The following MTUS2 variants were observed in gnomAD, a reference collection of about 807,000 sequenced individuals.
MTUS2 encodes the protein microtubule-associated tumor suppressor candidate 2.
Under a neutral mutation model 114.1 loss-of-function variants are expected in MTUS2, and 40 were observed. That is an observed-to-expected ratio of 0.35 (90% CI 0.27 to 0.46). MTUS2 has a LOEUF of 0.46. MTUS2 is among the 20% of genes least tolerant of loss of function. The probability of loss-of-function intolerance (pLI) is 1.00; values close to 1 mark genes in which losing one functional copy is unlikely to be tolerated. For missense variants in MTUS2, 1,679 were observed against 1,705.4 expected, an observed-to-expected ratio of 0.98 and a Z score of 0.27; for synonymous variants, 688 against 672.0, an observed-to-expected ratio of 1.02 and a Z score of -0.37.
Position 29,504,132 on chromosome 13 carries a change from C to T in MTUS2, c.*926C>T, listed in dbSNP as rs963287113. The T allele has an allele frequency of 3.9e-5, 9 of 232,126 alleles. No homozygotes were observed. Among genetic ancestry groups the T allele is most frequent in the Non-Finnish European group, 7.7e-5 (9 of 117,414 alleles). 14.4% of individuals were successfully genotyped at this position (232,126 alleles called of 1,614,324 possible). ...ACCTTTGAGTAAGAGTGAGGATGAC[C>T]TTGCAGATGACTGTGCCCATTCGCG... is the stretch of plus-strand genomic sequence containing the variant. On this transcript the variant is annotated 3_prime_UTR_variant, in exon 16 of 16. Transcript: ENST00000612955.
chr13:29,130,410 C>T (rs1440884279), intron 5 of MTUS2, among the ~76,000 whole-genome samples: 2 of 152,046 alleles, frequency 1.3e-5, no homozygotes, highest in African/African-American at 2.4e-5. Flanking sequence ...CACCCTTGCT[C>T]GAGACCTGAA....
chr13:29,374,598 A>T (rs967016292), intron 8 of MTUS2, among the ~76,000 whole-genome samples: 1 of 152,226 alleles, frequency 6.6e-6, no homozygotes, highest in African/African-American at 2.4e-5. Context: ...AATATACTTT[A>T]TAAATGAAGA....
intron 1 of MTUS2, among the ~76,000 whole-genome samples, chr13:28,833,933 AAAG>A (rs948810379): frequency 3.3e-5 from 5 of 152,168 alleles, no homozygotes; most frequent in African/African-American, 1.2e-4. Context: ...ATAGTATCAA[AAAG>A]AATAAGATAT....
chr13:28,915,643 T>G (rs1244334162), intron 2 of MTUS2, among the ~76,000 whole-genome samples: 1 of 151,968 alleles, frequency 6.6e-6, no homozygotes, highest in African/African-American at 2.4e-5. Flanking sequence ...TAAAATCAGA[T>G]TATTAGATTT....
chr13:29,188,370 T>C (rs1894308466), intron 5 of MTUS2, among the ~76,000 whole-genome samples: 1 of 152,218 alleles, frequency 6.6e-6, no homozygotes. Context: ...TTTACCCTAG[T>C]AGGCATGTTA....
intron 6 of MTUS2, among the ~76,000 whole-genome samples, chr13:29,304,904 C>T (rs1012939230): frequency 6.6e-6 from 1 of 151,916 alleles, no homozygotes; most frequent in African/African-American, 2.4e-5. Context: ...CACTTCTCAG[C>T]AAATGTAAAA....
At chr13:29,198,162 G>A (rs895853371) in intron 5 of MTUS2, among the ~76,000 whole-genome samples, 1 of 152,156 alleles carries the variant, frequency 6.6e-6, no homozygotes, top group Non-Finnish European at 1.5e-5. Flanking sequence ...GTCCTGAATG[G>A]TATTGCCTAG....
intron 5 of MTUS2, among the ~76,000 whole-genome samples, chr13:29,163,916 G>A (rs74753932): frequency 0.028 from 4,266 of 152,118 alleles, 219 homozygotes; most frequent in East Asian, 0.24. Context: ...GCCCTAACAG[G>A]GTGCGGACCC....
intron 2 of MTUS2, among the ~76,000 whole-genome samples, chr13:28,973,943 C>G (rs1723457111): frequency 6.6e-6 from 1 of 152,180 alleles, no homozygotes; most frequent in Non-Finnish European, 1.5e-5. Flanking sequence ...AATGTAGGTG[C>G]CTTCAGCAGC....
intron 2 of MTUS2, among the ~76,000 whole-genome samples, chr13:28,911,581 C>T (rs1030663832): frequency 2.0e-5 from 3 of 151,924 alleles, no homozygotes; most frequent in African/African-American, 4.8e-5. Context: ...AATTGCCACA[C>T]TGTCTTCCAC....
chr13:29,171,138 G>GAC (rs1178342889), intron 5 of MTUS2, among the ~76,000 whole-genome samples: 4 of 119,864 alleles, frequency 3.3e-5, no homozygotes, highest in Non-Finnish European at 7.3e-5. Context: ...GTGAGAGAGA[G>GAC]AGAGTGTGTG....
At chr13:29,142,050 C>T (rs1354546810) in intron 5 of MTUS2, among the ~76,000 whole-genome samples, 4 of 151,768 alleles carry the variant, frequency 2.6e-5, no homozygotes, top group South Asian at 2.1e-4. Context: ...TTAGTAGATA[C>T]GGGGTTTCAC....
intron 2 of MTUS2, among the ~76,000 whole-genome samples, chr13:29,018,584 A>G (rs575522439): frequency 1.7e-4 from 26 of 152,246 alleles, no homozygotes; most frequent in African/African-American, 6.0e-4. Context: ...ATCATGGTGA[A>G]ACCCCGTCTC....
At chr13:29,326,390 T>G (rs986131144) in intron 7 of MTUS2, among the ~76,000 whole-genome samples, 11 of 152,190 alleles carry the variant, frequency 7.2e-5, no homozygotes, top group Non-Finnish European at 1.5e-4. Flanking sequence ...GTCCTTATAT[T>G]CTAGAGAAAG....
chr13:28,919,088 A>T (rs1880902492), intron 2 of MTUS2, among the ~76,000 whole-genome samples: 1 of 152,180 alleles, frequency 6.6e-6, no homozygotes, highest in Non-Finnish European at 1.5e-5. Context: ...CTTTCTACTT[A>T]AGGTAAGAGT....
chr13:29,478,358 A>C lies in MTUS2; in HGVS notation c.3185-1792A>C, dbSNP rs898656611. Among the ~76,000 whole-genome samples, 3 of 152,208 alleles carry C rather than the reference A, an allele frequency of 2.0e-5. 1 individual carries two copies. The highest frequency in any genetic ancestry group is 2.0e-4 in the Admixed American group (3 of 15,284). ...AAGCCCTTATTTGTAGGGAATGTAC[A>C]TGGGGAGATATGAGGTTCATGTTCA... On this transcript the variant is annotated intron_variant, in intron 9 of 15. Transcript: ENST00000612955.
At chr13:29,029,399 G>A (rs1021847823) in intron 3 of MTUS2, among the ~76,000 whole-genome samples, 1 of 152,130 alleles carries the variant, frequency 6.6e-6, no homozygotes, top group African/African-American at 2.4e-5. Flanking sequence ...TGAACAAATT[G>A]CCCTTCTGGA....
chr13:29,322,182 A>C (rs1259331821), intron 6 of MTUS2, among the ~76,000 whole-genome samples: 1 of 152,226 alleles, frequency 6.6e-6, no homozygotes, highest in East Asian at 1.9e-4. Context: ...AGGCTAAATA[A>C]ATAATTGTAT....
intron 5 of MTUS2, among the ~76,000 whole-genome samples, chr13:29,229,183 C>G (rs918012552): frequency 1.3e-5 from 2 of 152,090 alleles, no homozygotes; most frequent in Non-Finnish European, 2.9e-5. Context: ...GATTTGACCT[C>G]TAGTTTTCTG....
Sources: gnomAD v4.1 joint callset for allele counts (sites outside exome capture counted in the v4.1 genomes callset) on GRCh38, gnomAD v4.1.1 for gene constraint, MANE v1.5 for transcripts, NCBI Gene and HGNC (gene_info 2026-07-23, HGNC 2026-07-21) for gene names.